Variants in CDC42BPA observed in about 807,000 individuals in gnomAD.
The protein encoded by CDC42BPA is serine/threonine-protein kinase MRCK alpha.
CDC42BPA carries 80 observed loss-of-function variants against 223.5 expected under a neutral mutation model. The ratio of observed to expected loss-of-function variants is 0.36; its 90% CI spans 0.30 to 0.43. CDC42BPA has a LOEUF of 0.43. CDC42BPA is among the 20% of genes least tolerant of loss of function. The pLI, the probability that CDC42BPA is intolerant of heterozygous loss-of-function variation, is 1.00. For missense variants in CDC42BPA, 1,743 were observed against 2,099.9 expected, an observed-to-expected ratio of 0.83 and a Z score of 3.32; for synonymous variants, 694 against 718.6, an observed-to-expected ratio of 0.97 and a Z score of 0.55.
intron 5 of CDC42BPA, among the ~76,000 whole-genome samples, chr1:227,193,482 T>C (rs969474242): frequency 3.3e-5 from 5 of 152,082 alleles, no homozygotes; most frequent in African/African-American, 9.7e-5. Context: ...CCTGTACCCA[T>C]AGGTAATTTC....
intron 34 of CDC42BPA, among the ~76,000 whole-genome samples, chr1:227,015,787 C>T (rs1453415897): frequency 6.6e-6 from 1 of 152,164 alleles, no homozygotes; most frequent in East Asian, 1.9e-4. Context: ...TATAGAACCT[C>T]TCCGAATTTG....
intron 2 of CDC42BPA, among the ~76,000 whole-genome samples, chr1:227,245,725 G>A (rs968966771): frequency 6.6e-6 from 1 of 152,112 alleles, no homozygotes; most frequent in Non-Finnish European, 1.5e-5. Context: ...AAAGGGAACC[G>A]GCTGCCTTGA....
At chr1:227,178,870 T>C (rs1395570826) in intron 5 of CDC42BPA, among the ~76,000 whole-genome samples, 1 of 152,226 alleles carries the variant, frequency 6.6e-6, no homozygotes. Context: ...TGAGACTAAA[T>C]CATAATTTCC....
At chr1:227,264,962 A>G in intron 1 of CDC42BPA, 1 of 994,162 alleles carries the variant, frequency 1.0e-6, no homozygotes. Context: ...CTCTTCTTGT[A>G]TAACCTCATT....
chr1:227,315,062 A>G (rs777833947), intron 1 of CDC42BPA, among the ~76,000 whole-genome samples: 55 of 151,988 alleles, frequency 3.6e-4, no homozygotes, highest in Non-Finnish European at 3.7e-4. Context: ...ATAGACTGGC[A>G]CTCTTAACCT....
chr1:227,153,181 G>A (rs1662108978), intron 6 of CDC42BPA, among the ~76,000 whole-genome samples: 1 of 151,176 alleles, frequency 6.6e-6, no homozygotes, highest in Non-Finnish European at 1.5e-5. Context: ...AAAACTGAAT[G>A]ACAAAATTAG....
rs199970104 is a variant in CDC42BPA at position 227,318,303 on chromosome 1, A to G, written c.-1121T>C. On this transcript the variant is annotated 5_prime_UTR_variant, in exon 1 of 37. Coordinates refer to ENST00000366766, the MANE Select transcript of CDC42BPA (RefSeq NM_001394014.1). ...GAGGAGGGAGGCGGCCCGGCGCAGGAGGAGGGGTCGCTTCCGCGGCTGAGG... is the reference window on the plus strand; with the variant it reads ...GAGGAGGGAGGCGGCCCGGCGCAGGGGGAGGGGTCGCTTCCGCGGCTGAGG... 0.16 allele frequency: 24,004 copies of G among 152,474 alleles called. 2,194 individuals carry two copies. Among genetic ancestry groups the G allele is most frequent in the East Asian group, 0.37 (1,877 of 5,080 alleles). 9.4% of individuals were successfully genotyped at this position (152,474 alleles called of 1,614,324 possible).
rs535967892 is a variant in CDC42BPA at position 227,232,849 on chromosome 1, A to G, written c.271-19630T>C. On this transcript the variant is annotated intron_variant, in intron 2 of 36. Transcript: ENST00000366766. ...CTGGGAGGTGTCTCCCAGTTAGGCT[A>G]CTCGTGTGTCAGGGACCCACTTGAG... Among the ~76,000 whole-genome samples the G allele has an allele frequency of 7.9e-5, 12 of 152,180 alleles. No homozygotes were observed. The East Asian group carries it at 1.5e-3, about 20-fold the overall frequency.
chr1:227,018,289 G>A (rs372344888), intron 32 of CDC42BPA, among the ~76,000 whole-genome samples: 89 of 152,288 alleles, frequency 5.8e-4, no homozygotes, highest in Middle Eastern at 3.4e-3. Context: ...GGTAAAGCAG[G>A]TCTTGGAGAC....
intron 14 of CDC42BPA, among the ~76,000 whole-genome samples, chr1:227,108,363 C>T (rs1686286628): frequency 6.6e-6 from 1 of 150,768 alleles, no homozygotes; most frequent in Non-Finnish European, 1.5e-5. Context: ...CCTATGGTTG[C>T]TTAAGAGTGT....
intron 6 of CDC42BPA, 51 bp from the exon 7 acceptor site, chr1:227,147,610 TTA>T (rs1477450044): frequency 9.8e-7 from 1 of 1,016,862 alleles, no homozygotes; most frequent in African/African-American, 1.6e-5. Flanking sequence ...ATAAAATATT[TTA>T]AATAGTTACT....
chr1:227,251,774 G>C (rs1323528836), intron 2 of CDC42BPA, among the ~76,000 whole-genome samples: 1 of 152,094 alleles, frequency 6.6e-6, no homozygotes, highest in Non-Finnish European at 1.5e-5. Context: ...ATTTAAACAA[G>C]ATTTTGAACT....
At chr1:227,098,765 C>T (rs1447866383) in intron 15 of CDC42BPA, among the ~76,000 whole-genome samples, 1 of 151,788 alleles carries the variant, frequency 6.6e-6, no homozygotes, top group Non-Finnish European at 1.5e-5. Context: ...CAATCGTCTT[C>T]TAAGTGGTCT....
intron 2 of CDC42BPA, among the ~76,000 whole-genome samples, chr1:227,242,441 G>T (rs900905579): frequency 1.3e-5 from 2 of 151,864 alleles, no homozygotes; most frequent in African/African-American, 2.4e-5. Context: ...GAAATAAAAG[G>T]AATAAATATT....
chr1:227,081,039 T>A (rs1216342795), intron 16 of CDC42BPA, 22 bp from the exon 17 acceptor site: 14 of 1,612,108 alleles, frequency 8.7e-6, no homozygotes, highest in Non-Finnish European at 1.2e-5. Flanking sequence ...TTTTAAGACA[T>A]GCATGACTTT....
At chr1:227,157,181 T>C (rs918988884) in intron 6 of CDC42BPA, among the ~76,000 whole-genome samples, 3 of 152,236 alleles carry the variant, frequency 2.0e-5, no homozygotes, top group Non-Finnish European at 2.9e-5. Context: ...AAAGACAGTA[T>C]AGACATTTTA....
At chr1:227,079,171 ATT>A in intron 17 of CDC42BPA, among the ~76,000 whole-genome samples, 1 of 152,132 alleles carries the variant, frequency 6.6e-6, no homozygotes, top group East Asian at 1.9e-4. Context: ...TCTGCTATCT[ATT>A]ACTCCATTTC....
chr1:227,241,367 A>G (rs1460461151), intron 2 of CDC42BPA, among the ~76,000 whole-genome samples: 2 of 152,112 alleles, frequency 1.3e-5, no homozygotes, highest in African/African-American at 4.8e-5. Flanking sequence ...AAACAAAAAC[A>G]TATTTCCATA....
chr1:227,052,953 A>T (rs1673842419), intron 21 of CDC42BPA, among the ~76,000 whole-genome samples: 1 of 152,222 alleles, frequency 6.6e-6, no homozygotes, highest in African/African-American at 2.4e-5. Flanking sequence ...ATGCCCTTGT[A>T]CTCAAAACTA....
Sources: gnomAD v4.1 joint callset for allele counts (sites outside exome capture counted in the v4.1 genomes callset) on GRCh38, gnomAD v4.1.1 for gene constraint, MANE v1.5 for transcripts, NCBI Gene and HGNC (gene_info 2026-07-23, HGNC 2026-07-21) for gene names.